Variants in SYNDIG1 observed in about 807,000 individuals in gnomAD.
The protein encoded by SYNDIG1 is synapse differentiation inducing 1.
In SYNDIG1, 9 loss-of-function variants were observed where a neutral mutation model predicts 19.4. The ratio of observed to expected loss-of-function variants is 0.46; its 90% CI spans 0.28 to 0.81. SYNDIG1 has a LOEUF of 0.81. Ranked by LOEUF, SYNDIG1 falls within the 30% of genes least tolerant of loss-of-function variation. The pLI is 0.12. For synonymous variants in SYNDIG1, 141 were observed against 145.9 expected (o/e 0.97, Z 0.24); for missense variants, 311 against 343.3 (o/e 0.91, Z 0.74).
chr20:24,635,613 C>T (rs942767545), intron 3 of SYNDIG1, among the ~76,000 whole-genome samples: 3 of 152,088 alleles, frequency 2.0e-5, no homozygotes, highest in South Asian at 2.1e-4. Flanking sequence ...ATGAGGAGGC[C>T]GACTAAAGGA....
At chr20:24,624,999 G>A (rs991669562) in intron 3 of SYNDIG1, among the ~76,000 whole-genome samples, 5 of 152,114 alleles carry the variant, frequency 3.3e-5, no homozygotes, top group African/African-American at 1.2e-4. Context: ...TTTCAACTTA[G>A]TGTACATGAA....
At chr20:24,478,939 G>A (rs141899125) in intron 1 of SYNDIG1, among the ~76,000 whole-genome samples, 3 of 152,352 alleles carry the variant, frequency 2.0e-5, no homozygotes, top group Non-Finnish European at 2.9e-5. Flanking sequence ...GTCAGACCTC[G>A]TGGGCACTGT....
chr20:24,482,607 C>T (rs772417176), intron 1 of SYNDIG1, among the ~76,000 whole-genome samples: 35 of 152,096 alleles, frequency 2.3e-4, no homozygotes, highest in Non-Finnish European at 4.4e-4. Context: ...CTAAGATACA[C>T]GCAGAGTATG....
chr20:24,510,311 G>A (rs1471681490), intron 1 of SYNDIG1, among the ~76,000 whole-genome samples: 1 of 151,888 alleles, frequency 6.6e-6, no homozygotes, highest in Admixed American at 6.6e-5. Context: ...ACTCACGCCT[G>A]TAATCCCAGC....
intron 1 of SYNDIG1, among the ~76,000 whole-genome samples, chr20:24,505,174 C>T (rs983641638): frequency 4.6e-5 from 7 of 152,072 alleles, no homozygotes; most frequent in South Asian, 4.1e-4. Context: ...GGTGGCACCG[C>T]GGGCTACAGG....
chr20:24,661,851 T>A (rs1297766012), intron 3 of SYNDIG1, among the ~76,000 whole-genome samples: 1 of 152,000 alleles, frequency 6.6e-6, no homozygotes, highest in East Asian at 1.9e-4. Context: ...AAGAAGCCAC[T>A]CCCTTCAGAT....
At chr20:24,657,269 G>A (rs985185809) in intron 3 of SYNDIG1, among the ~76,000 whole-genome samples, 2 of 152,196 alleles carry the variant, frequency 1.3e-5, no homozygotes, top group African/African-American at 4.8e-5. Flanking sequence ...TGCAGCAGCC[G>A]CAGTTCCCGT....
intron 3 of SYNDIG1, among the ~76,000 whole-genome samples, chr20:24,632,891 TTGAAA>T (rs2059265044): frequency 6.6e-6 from 1 of 152,168 alleles, no homozygotes; most frequent in South Asian, 2.1e-4. Context: ...GAAACAGAAC[TTGAAA>T]TGAACTTATT....
intron 1 of SYNDIG1, among the ~76,000 whole-genome samples, chr20:24,506,732 G>A (rs563514052): frequency 3.3e-5 from 5 of 152,222 alleles, no homozygotes; most frequent in Admixed American, 6.5e-5. Context: ...AGTGGTGTCC[G>A]GGGCAGTGGC....
intron 3 of SYNDIG1, among the ~76,000 whole-genome samples, chr20:24,657,009 G>A (rs1303083180): frequency 6.6e-6 from 1 of 152,136 alleles, no homozygotes; most frequent in Non-Finnish European, 1.5e-5. Context: ...CCCCTGCTCT[G>A]GCCCTGTCAC....
chr20:24,567,389 C>T (rs887620137), intron 2 of SYNDIG1, among the ~76,000 whole-genome samples: 2 of 152,096 alleles, frequency 1.3e-5, no homozygotes, highest in African/African-American at 2.4e-5. Flanking sequence ...TAAGGATGGC[C>T]CATCCAGTGA....
At chr20:24,537,928 C>T (rs548693434) in intron 1 of SYNDIG1, among the ~76,000 whole-genome samples, 2 of 152,008 alleles carry the variant, frequency 1.3e-5, no homozygotes, top group Non-Finnish European at 2.9e-5. Context: ...GTGGTCAGCG[C>T]ACAGTCTTCT....
At chr20:24,520,004 G>T (rs983308451) in intron 1 of SYNDIG1, among the ~76,000 whole-genome samples, 2 of 152,068 alleles carry the variant, frequency 1.3e-5, no homozygotes, top group African/African-American at 2.4e-5. Context: ...ATTTAATAGT[G>T]CATTTCTCCA....
At chr20:24,516,338 TAATTA>T (rs1184778414) in intron 1 of SYNDIG1, among the ~76,000 whole-genome samples, 2 of 152,202 alleles carry the variant, frequency 1.3e-5, no homozygotes, top group Non-Finnish European at 2.9e-5. Flanking sequence ...AAATGGAATC[TAATTA>T]AATTAAAGTG....
intron 3 of SYNDIG1, among the ~76,000 whole-genome samples, chr20:24,655,920 G>A (rs1270758795): frequency 6.6e-6 from 1 of 152,204 alleles, no homozygotes; most frequent in African/African-American, 2.4e-5. Context: ...TGAACGGATG[G>A]TCCATCACTG....
chr20:24,575,627 T>C (rs1176529385), intron 2 of SYNDIG1, among the ~76,000 whole-genome samples: 1 of 152,200 alleles, frequency 6.6e-6, no homozygotes, highest in Non-Finnish European at 1.5e-5. Context: ...GCGAGGTTAA[T>C]ATATTTTTCT....
chr20:24,524,082 T>G (rs2057064124), intron 1 of SYNDIG1, among the ~76,000 whole-genome samples: 1 of 152,218 alleles, frequency 6.6e-6, no homozygotes, highest in Non-Finnish European at 1.5e-5. Flanking sequence ...ATTGTCATCC[T>G]TGTTTTGTTT....
intron 2 of SYNDIG1, among the ~76,000 whole-genome samples, chr20:24,582,374 C>T (rs1314570235): frequency 8.1e-6 from 1 of 123,762 alleles, no homozygotes; most frequent in Non-Finnish European, 1.7e-5. Flanking sequence ...CTTGCATGGC[C>T]TCCCCCCATA....
intron 3 of SYNDIG1, among the ~76,000 whole-genome samples, chr20:24,592,578 C>G (rs1343982199): frequency 6.6e-6 from 1 of 152,158 alleles, no homozygotes; most frequent in Non-Finnish European, 1.5e-5. Flanking sequence ...CATAATCAGA[C>G]TTGGATGATT....
Sources: allele counts gnomAD v4.1 joint callset (sites outside exome capture counted in the v4.1 genomes callset), GRCh38; gene constraint gnomAD v4.1.1; transcripts MANE v1.5; gene names NCBI Gene and HGNC (gene_info 2026-07-23, HGNC 2026-07-21).